Variants in MACROD2 observed in about 807,000 individuals in gnomAD.
The protein encoded by MACROD2 is ADP-ribose glycohydrolase MACROD2.
A neutral mutation model predicts 70.4 loss-of-function variants in MACROD2; 36 were observed. That is an observed-to-expected ratio of 0.51 (90% CI 0.39 to 0.68). The LOEUF is 0.68. Among genes scored for constraint, MACROD2 ranks in the 30% least tolerant of loss-of-function variants. MACROD2 has a pLI of 0.00. For synonymous variants in MACROD2, 172 were observed against 178.8 expected (o/e 0.96, Z 0.30); for missense variants, 496 against 538.4 (o/e 0.92, Z 0.78).
chr20:15,831,549 A>G (rs995783501), intron 8 of MACROD2, among the ~76,000 whole-genome samples: 3 of 152,256 alleles, frequency 2.0e-5, no homozygotes, highest in Middle Eastern at 3.4e-3. Context: ...ACCTTCATTC[A>G]TTTTGTGCCT....
At chr20:14,421,900 T>G (rs1825698287) in intron 3 of MACROD2, among the ~76,000 whole-genome samples, 1 of 152,176 alleles carries the variant, frequency 6.6e-6, no homozygotes, top group South Asian at 2.1e-4. Flanking sequence ...TGTATATGTG[T>G]GTTAGGTCTA....
chr20:14,485,406 T>C (rs902835702), intron 3 of MACROD2, among the ~76,000 whole-genome samples: 3 of 152,034 alleles, frequency 2.0e-5, no homozygotes, highest in African/African-American at 7.2e-5. Flanking sequence ...TGCATATATT[T>C]ATAAGAACAT....
chr20:14,571,293 G>A (rs1980173962), intron 4 of MACROD2, among the ~76,000 whole-genome samples: 1 of 152,014 alleles, frequency 6.6e-6, no homozygotes, highest in Admixed American at 6.6e-5. Context: ...AGGAGATGAG[G>A]AGTGTATCTT....
At chr20:14,742,429 A>G (rs1404230922) in intron 5 of MACROD2, among the ~76,000 whole-genome samples, 4 of 130,154 alleles carry the variant, frequency 3.1e-5, no homozygotes, top group African/African-American at 1.1e-4. Flanking sequence ...ATAGATATAT[A>G]ATAAAGGTCT....
chr20:15,197,592 A>T (rs1049270924), intron 5 of MACROD2, among the ~76,000 whole-genome samples: 7 of 152,180 alleles, frequency 4.6e-5, no homozygotes, highest in Non-Finnish European at 1.0e-4. Context: ...AATGCTTATC[A>T]CTTTTTTTAA....
At chr20:15,985,522 C>T (rs2066467368) in intron 13 of MACROD2, among the ~76,000 whole-genome samples, 1 of 152,228 alleles carries the variant, frequency 6.6e-6, no homozygotes, top group Non-Finnish European at 1.5e-5. Flanking sequence ...GATGTCCGGA[C>T]TCCAAGTGCC....
At chr20:14,327,436 A>G in intron 3 of MACROD2, 1 of 1,613,588 alleles carries the variant, frequency 6.2e-7, no homozygotes, top group South Asian at 1.1e-5. Flanking sequence ...CATAACTGAT[A>G]GAGGTGCTAC....
chr20:14,503,562 T>C (rs1031157202), intron 4 of MACROD2, among the ~76,000 whole-genome samples: 1 of 152,154 alleles, frequency 6.6e-6, no homozygotes, highest in Non-Finnish European at 1.5e-5. Flanking sequence ...CTCAGAAGTG[T>C]ACAATATTGG....
chr20:15,017,602 C>T (rs942072248), intron 5 of MACROD2, among the ~76,000 whole-genome samples: 1 of 152,228 alleles, frequency 6.6e-6, no homozygotes, highest in South Asian at 2.1e-4. Flanking sequence ...GCCTTCTGCA[C>T]TGCCCTAGCA....
chr20:15,683,048 T>G (rs2146861715), intron 8 of MACROD2, among the ~76,000 whole-genome samples: 1 of 152,366 alleles, frequency 6.6e-6, no homozygotes, highest in South Asian at 2.1e-4. Context: ...CAGAGATTGA[T>G]GAACAATTTT....
Position 14,871,125 on chromosome 20 carries a change from A to G in MACROD2, c.418+186166A>G, listed in dbSNP as rs1354602173. ...TAGATCAACCATGAGAATTTCCCCAACCTAGCTAGGAAGGCCAACAAATTC... is the reference window on the plus strand; with the variant it reads ...TAGATCAACCATGAGAATTTCCCCAGCCTAGCTAGGAAGGCCAACAAATTC... On this transcript the variant is annotated intron_variant, in intron 5 of 17. Coordinates refer to ENST00000684519, the MANE Select transcript of MACROD2 (RefSeq NM_001351661.2). 4.6e-5 allele frequency among the ~76,000 whole-genome samples: 7 copies of G among 152,234 alleles called. 1 individual carries two copies. In the East Asian group the frequency reaches 1.2e-3, roughly 25 times the overall value.
chr20:14,032,896 A>T (rs1432010952), intron 2 of MACROD2, among the ~76,000 whole-genome samples: 1 of 152,140 alleles, frequency 6.6e-6, no homozygotes, highest in Non-Finnish European at 1.5e-5. Flanking sequence ...TAACTTTCTG[A>T]TCTTTAGTAA....
intron 5 of MACROD2, among the ~76,000 whole-genome samples, chr20:15,082,357 C>T (rs181013081): frequency 8.6e-4 from 130 of 152,018 alleles, no homozygotes; most frequent in African/African-American, 2.8e-3. Context: ...AGCTTATTGG[C>T]GGTAGTTTGG....
chr20:14,327,009 A>C, intron 3 of MACROD2: 1 of 1,613,754 alleles, frequency 6.2e-7, no homozygotes, highest in South Asian at 1.1e-5. Context: ...GAATTGTGCT[A>C]AGGTGATTAC....
chr20:15,030,839 C>T (rs560912735), intron 5 of MACROD2, among the ~76,000 whole-genome samples: 17 of 152,322 alleles, frequency 1.1e-4, no homozygotes, highest in African/African-American at 3.1e-4. Flanking sequence ...TGATCTTCAT[C>T]CCAGATCCCA....
At chr20:14,787,863 T>TA (rs1437210396) in intron 5 of MACROD2, among the ~76,000 whole-genome samples, 1 of 152,110 alleles carries the variant, frequency 6.6e-6, no homozygotes. Flanking sequence ...GCAGAGTCTA[T>TA]TCTGTGGCAT....
intron 4 of MACROD2, among the ~76,000 whole-genome samples, chr20:14,586,097 T>C (rs771148088): frequency 6.6e-6 from 1 of 152,074 alleles, no homozygotes; most frequent in Non-Finnish European, 1.5e-5. Flanking sequence ...TTGGAGAAAA[T>C]AGGAGAAGAT....
At chr20:14,806,610 A>AG (rs2072641972) in intron 5 of MACROD2, among the ~76,000 whole-genome samples, 1 of 152,074 alleles carries the variant, frequency 6.6e-6, no homozygotes, top group Non-Finnish European at 1.5e-5. Flanking sequence ...TCCCCTGGAA[A>AG]GGGGGCTGAA....
chr20:15,538,146 G>C lies in MACROD2; in HGVS notation c.645+38299G>C, dbSNP rs181641467. Reference sequence around the variant, plus strand: ...GGGAACTATTGCAGTTTTCCACGAAGGAAAAAGAAAAACAACTTAAAAAAA... The same window carrying C: ...GGGAACTATTGCAGTTTTCCACGAACGAAAAAGAAAAACAACTTAAAAAAA... On this transcript the variant is annotated intron_variant, in intron 8 of 17. Coordinates refer to ENST00000684519, the MANE Select transcript of MACROD2 (RefSeq NM_001351661.2). Among the ~76,000 whole-genome samples the C allele has an allele frequency of 2.6e-4, 40 of 152,136 alleles. No homozygotes were observed. In the East Asian group the frequency reaches 4.4e-3, roughly 17 times the overall value.
Sources: allele counts gnomAD v4.1 joint callset (sites outside exome capture counted in the v4.1 genomes callset), GRCh38; gene constraint gnomAD v4.1.1; transcripts MANE v1.5; gene names NCBI Gene and HGNC (gene_info 2026-07-23, HGNC 2026-07-21).